Variants in NCALD observed in about 807,000 individuals in gnomAD.
NCALD encodes the protein neurocalcin delta, also known as neurocalcin-delta.
In NCALD, 10 loss-of-function variants were observed where a neutral mutation model predicts 18.6. The ratio of observed to expected loss-of-function variants is 0.54; its 90% CI spans 0.33 to 0.91. The LOEUF is 0.91. NCALD is among the 40% of genes least tolerant of loss of function. The probability of loss-of-function intolerance (pLI) is 0.03; values close to 1 mark genes in which losing one functional copy is unlikely to be tolerated. For synonymous variants in NCALD, 88 were observed against 87.4 expected (o/e 1.01, Z -0.04); for missense variants, 184 against 247.6 (o/e 0.74, Z 1.72).
intron 1 of NCALD, chr8:101,786,141 G>A (rs1009597800): frequency 2.0e-5 from 3 of 152,176 alleles, no homozygotes; most frequent in Non-Finnish European, 4.4e-5. Context: ...ATGATGGAAG[G>A]GACCTGCCCT....
At chr8:102,082,890 A>C (rs554512756) in intron 1 of NCALD, among the ~76,000 whole-genome samples, 1 of 152,348 alleles carries the variant, frequency 6.6e-6, no homozygotes, top group Admixed American at 6.5e-5. Flanking sequence ...GGCCATTCCT[A>C]CCAGGGTTCT....
intron 1 of NCALD, among the ~76,000 whole-genome samples, chr8:101,724,785 G>A (rs4734590): frequency 0.033 from 4,990 of 152,336 alleles, 175 homozygotes; most frequent in East Asian, 0.12. Flanking sequence ...GCTTGTGAAT[G>A]AGAGAGCCTA....
chr8:101,953,903 G>T (rs909624581), intron 2 of NCALD, among the ~76,000 whole-genome samples: 2 of 152,250 alleles, frequency 1.3e-5, no homozygotes, highest in African/African-American at 4.8e-5. Flanking sequence ...ATCAATCCCA[G>T]AGCTTGTGGC....
intron 2 of NCALD, among the ~76,000 whole-genome samples, chr8:101,967,737 G>C (rs1425540110): frequency 2.0e-5 from 3 of 152,146 alleles, no homozygotes; most frequent in Non-Finnish European, 4.4e-5. Flanking sequence ...GCAGCAGAGG[G>C]TGAGGATTCT....
At chr8:101,715,741 A>G (rs1816047801) in intron 2 of NCALD, among the ~76,000 whole-genome samples, 1 of 152,256 alleles carries the variant, frequency 6.6e-6, no homozygotes, top group African/African-American at 2.4e-5. Flanking sequence ...TGGTCATTAG[A>G]GAAATGCAAA....
intron 4 of NCALD, among the ~76,000 whole-genome samples, chr8:101,849,494 T>A (rs1300540530): frequency 6.6e-6 from 1 of 152,122 alleles, no homozygotes; most frequent in Non-Finnish European, 1.5e-5. Context: ...ATTTGTAAAG[T>A]GGTCTGTAAT....
At chr8:101,784,761 T>C (rs891241428) in intron 1 of NCALD, among the ~76,000 whole-genome samples, 1 of 152,146 alleles carries the variant, frequency 6.6e-6, no homozygotes, top group Non-Finnish European at 1.5e-5. Context: ...ATTACACCAC[T>C]GCACTTCAGC....
At chr8:102,019,371 C>T (rs1822196443) in intron 2 of NCALD, among the ~76,000 whole-genome samples, 1 of 152,094 alleles carries the variant, frequency 6.6e-6, no homozygotes, top group African/African-American at 2.4e-5. Flanking sequence ...TTGATAGTAT[C>T]TACTAAAGCT....
At chr8:102,019,982 C>A (rs141932097) in intron 2 of NCALD, among the ~76,000 whole-genome samples, 51 of 152,190 alleles carry the variant, frequency 3.4e-4, no homozygotes, top group African/African-American at 1.2e-3. Context: ...TAATTTAATA[C>A]AATTTGCCTA....
chr8:101,975,619 A>T (rs1430015574), intron 2 of NCALD, among the ~76,000 whole-genome samples: 1 of 152,146 alleles, frequency 6.6e-6, no homozygotes, highest in African/African-American at 2.4e-5. Context: ...AATTTGTGAG[A>T]CCTCTACGAT....
chr8:101,797,057 T>G (rs1281897426), intron 4 of NCALD, among the ~76,000 whole-genome samples: 1 of 152,226 alleles, frequency 6.6e-6, no homozygotes, highest in Non-Finnish European at 1.5e-5. Flanking sequence ...AATGTACTTC[T>G]TACATATATT....
At chr8:101,869,785 G>A (rs965917535) in intron 4 of NCALD, among the ~76,000 whole-genome samples, 7 of 152,170 alleles carry the variant, frequency 4.6e-5, no homozygotes, top group Non-Finnish European at 7.3e-5. Flanking sequence ...AAAATTGTAG[G>A]TATTGTTAGC....
In NCALD at chr8:101,735,443, G is replaced by A. The variant is rs368764608; in HGVS notation, c.-19-15795C>T. On this transcript the variant is annotated intron_variant, in intron 1 of 3. Coordinates refer to ENST00000220931, the MANE Select transcript of NCALD (RefSeq NM_032041.3). ...AGGAAGGTGCTACCAAAAGACAAAT[G>A]TTCCACCATCCTCTTCTCTTCCCCA... is the stretch of plus-strand genomic sequence containing the variant. Among the ~76,000 whole-genome samples, 49 of 152,286 alleles carry A rather than the reference G, an allele frequency of 3.2e-4. 1 individual carries two copies. Among genetic ancestry groups the A allele is most frequent in the African/African-American group, 1.2e-3 (48 of 41,552 alleles).
intron 3 of NCALD, among the ~76,000 whole-genome samples, chr8:101,887,614 T>TATATAC (rs994481577): frequency 6.6e-6 from 1 of 150,406 alleles, no homozygotes; most frequent in African/African-American, 2.4e-5. Flanking sequence ...TAAATATAAA[T>TATATAC]ATATACATAT....
intron 3 of NCALD, among the ~76,000 whole-genome samples, chr8:101,914,753 G>A (rs183873960): frequency 5.9e-5 from 9 of 152,176 alleles, no homozygotes; most frequent in Middle Eastern, 3.4e-3. Context: ...CCATCATTGC[G>A]GATTTTTATT....
chr8:102,099,958 T>A, intron 1 of NCALD, among the ~76,000 whole-genome samples: 2 of 127,710 alleles, frequency 1.6e-5, no homozygotes. Flanking sequence ...GACAACAGAG[T>A]AAGACAGAGC....
intron 2 of NCALD, among the ~76,000 whole-genome samples, chr8:101,918,740 C>CCCCACACA (rs1554663202): frequency 7.1e-6 from 1 of 140,658 alleles, no homozygotes; most frequent in African/African-American, 2.5e-5. Flanking sequence ...TTTACAATAG[C>CCCCACACA]CACACACACA....
chr8:101,840,116 T>TA (rs61620684), intron 4 of NCALD, among the ~76,000 whole-genome samples: 6,446 of 128,810 alleles, frequency 0.05, 157 homozygotes, highest in East Asian at 0.13. Flanking sequence ...AGCAACAAAA[T>TA]AAAAAAAAAA....
At chr8:101,921,890 T>C (rs1818177521) in intron 2 of NCALD, among the ~76,000 whole-genome samples, 1 of 152,282 alleles carries the variant, frequency 6.6e-6, no homozygotes, top group Non-Finnish European at 1.5e-5. Context: ...TTTTTATGTA[T>C]ATTCCTTCAT....
Sources: allele counts gnomAD v4.1 joint callset (sites outside exome capture counted in the v4.1 genomes callset), GRCh38; gene constraint gnomAD v4.1.1; transcripts MANE v1.5; gene names NCBI Gene and HGNC (gene_info 2026-07-23, HGNC 2026-07-21).